The following PAPPA2 variants were observed in gnomAD, a reference collection of about 807,000 sequenced individuals.
The protein encoded by PAPPA2 is pappalysin 2, also known as pappalysin-2.
Under a neutral mutation model 176.4 loss-of-function variants are expected in PAPPA2, and 86 were observed. That is an observed-to-expected ratio of 0.49 (90% CI 0.41 to 0.58). PAPPA2 has a LOEUF of 0.58. Ranked by LOEUF, PAPPA2 falls within the 20% of genes least tolerant of loss-of-function variation. The pLI is 0.00. For missense variants in PAPPA2, 2,073 were observed against 2,256.9 expected (o/e 0.92, Z 1.65); for synonymous variants, 809 against 852.2 (o/e 0.95, Z 0.88).
intron 14 of PAPPA2, among the ~76,000 whole-genome samples, chr1:176,750,501 A>G (rs1479409465): frequency 6.6e-6 from 1 of 152,080 alleles, no homozygotes; most frequent in Non-Finnish European, 1.5e-5. Flanking sequence ...GCTACTTGGG[A>G]GGCTGAGGCA....
At chr1:176,610,628 G>C (rs1159502098) in intron 3 of PAPPA2, among the ~76,000 whole-genome samples, 1 of 152,076 alleles carries the variant, frequency 6.6e-6, no homozygotes, top group Non-Finnish European at 1.5e-5. Flanking sequence ...CACATTTCTG[G>C]GCAGCAGGTT....
chr1:176,557,285 C>A, intron 2 of PAPPA2, 44 bp downstream of exon 2: 2 of 1,515,120 alleles, frequency 1.3e-6, no homozygotes, highest in South Asian at 1.3e-5. Flanking sequence ...GAGGGTATGG[C>A]TGGCTTTATT....
chr1:176,628,867 C>T (rs1286461536), intron 3 of PAPPA2, among the ~76,000 whole-genome samples: 1 of 152,192 alleles, frequency 6.6e-6, no homozygotes, highest in African/African-American at 2.4e-5. Context: ...TGGTTCTGCT[C>T]TTCACAAGAT....
intron 12 of PAPPA2, among the ~76,000 whole-genome samples, chr1:176,716,899 C>T (rs1314066481): frequency 6.6e-6 from 1 of 152,154 alleles, no homozygotes; most frequent in African/African-American, 2.4e-5. Context: ...GTGTGAGACA[C>T]TGCGCCCGGC....
intron 3 of PAPPA2, among the ~76,000 whole-genome samples, chr1:176,623,608 T>C (rs1558478969): frequency 1.4e-5 from 2 of 144,118 alleles, no homozygotes; most frequent in Non-Finnish European, 3.0e-5. Context: ...CCTTCCTTCC[T>C]TCCTTCCTTC....
intron 2 of PAPPA2, among the ~76,000 whole-genome samples, chr1:176,561,050 C>T (rs1022370548): frequency 6.6e-6 from 1 of 152,184 alleles, no homozygotes; most frequent in Non-Finnish European, 1.5e-5. Flanking sequence ...TCTGAGGATC[C>T]GAGCATTAGA....
At chr1:176,483,008 C>T (rs1652473939) in intron 1 of PAPPA2, among the ~76,000 whole-genome samples, 1 of 152,174 alleles carries the variant, frequency 6.6e-6, no homozygotes, top group African/African-American at 2.4e-5. Context: ...GTAAAGGTGA[C>T]GGATGCCCTT....
intron 3 of PAPPA2, among the ~76,000 whole-genome samples, chr1:176,655,967 C>T (rs767419527): frequency 2.2e-4 from 34 of 151,572 alleles, no homozygotes; most frequent in Non-Finnish European, 4.4e-4. Flanking sequence ...ATCACTGTCC[C>T]GTGATATATA....
At chr1:176,634,495 G>C (rs1573166151) in intron 3 of PAPPA2, among the ~76,000 whole-genome samples, 2 of 151,876 alleles carry the variant, frequency 1.3e-5, no homozygotes, top group South Asian at 2.1e-4. Flanking sequence ...ATGTAAATGA[G>C]GAGTTAATGG....
intron 4 of PAPPA2, among the ~76,000 whole-genome samples, chr1:176,689,439 A>G (rs1189186360): frequency 6.6e-6 from 1 of 152,112 alleles, no homozygotes; most frequent in Admixed American, 6.5e-5. Context: ...GACATTCTCA[A>G]TTTTGTGGTA....
chr1:176,491,925 G>A (rs1162356499), intron 1 of PAPPA2, among the ~76,000 whole-genome samples: 3 of 152,170 alleles, frequency 2.0e-5, no homozygotes, highest in Admixed American at 6.5e-5. Flanking sequence ...AATATGAGCC[G>A]AGGACTTCCA....
intron 3 of PAPPA2, among the ~76,000 whole-genome samples, chr1:176,602,340 TC>T (rs1654374045): frequency 6.6e-6 from 1 of 152,170 alleles, no homozygotes; most frequent in African/African-American, 2.4e-5. Context: ...CTGGGAATTG[TC>T]CTGAGGGATA....
At chr1:176,517,464 A>G (rs978436940) in intron 1 of PAPPA2, among the ~76,000 whole-genome samples, 2 of 152,142 alleles carry the variant, frequency 1.3e-5, no homozygotes, top group African/African-American at 4.8e-5. Context: ...GGAGAGAAAA[A>G]TACTTTGGTG....
chr1:176,642,847 T>A (rs1042457339), intron 3 of PAPPA2, among the ~76,000 whole-genome samples: 3 of 151,984 alleles, frequency 2.0e-5, no homozygotes, highest in Admixed American at 2.0e-4. Flanking sequence ...TGGAATCATA[T>A]GTGCAAGCAT....
chr1:176,725,803 C>G (rs748095677), intron 12 of PAPPA2, among the ~76,000 whole-genome samples: 2 of 152,020 alleles, frequency 1.3e-5, no homozygotes, highest in Non-Finnish European at 2.9e-5. Context: ...TTTTTTGAGA[C>G]GGAGTCTCGC....
At chr1:176,670,555 G>A (rs564297365) in intron 3 of PAPPA2, among the ~76,000 whole-genome samples, 42 of 152,078 alleles carry the variant, frequency 2.8e-4, no homozygotes, top group Non-Finnish European at 5.3e-4. Context: ...AGATTGAACT[G>A]GAATTCAAGG....
chr1:176,680,408 G>T (rs921076663), intron 4 of PAPPA2, among the ~76,000 whole-genome samples: 2 of 141,558 alleles, frequency 1.4e-5, no homozygotes, highest in African/African-American at 5.7e-5. Context: ...AGTCTAGTTG[G>T]TTACCTATTT....
chr1:176,629,185 A>T (rs1423294682), intron 3 of PAPPA2, among the ~76,000 whole-genome samples: 17 of 152,234 alleles, frequency 1.1e-4, no homozygotes, highest in Non-Finnish European at 1.5e-5. Flanking sequence ...CCTCAGGAGA[A>T]ACTTAGTCCA....
chr1:176,739,522 A>T, intron 12 of PAPPA2, 104 bp from the exon 13 acceptor site: 1 of 1,269,198 alleles, frequency 7.9e-7, no homozygotes, highest in Non-Finnish European at 1.1e-6. Context: ...GGAAGCTCTT[A>T]CTTTATAAAT....
Sources: gnomAD v4.1 joint callset for allele counts (sites outside exome capture counted in the v4.1 genomes callset) on GRCh38, gnomAD v4.1.1 for gene constraint, MANE v1.5 for transcripts, NCBI Gene and HGNC (gene_info 2026-07-23, HGNC 2026-07-21) for gene names.